ZNF610: variants seen among roughly 807,000 people sequenced by gnomAD.
The protein encoded by ZNF610 is zinc finger protein 610.
In ZNF610, 14 loss-of-function variants were observed where a neutral mutation model predicts 14.1. The ratio of observed to expected loss-of-function variants is 0.99; its 90% CI spans 0.65 to 1.55. The LOEUF (loss-of-function observed/expected upper bound fraction) is 1.55. Among genes scored for constraint, ZNF610 ranks in the 40% most tolerant of loss-of-function variants. The pLI is 0.00. For synonymous variants in ZNF610, 185 were observed against 187.6 expected, an observed-to-expected ratio of 0.99 and a Z score of 0.11; for missense variants, 530 against 558.0, an observed-to-expected ratio of 0.95 and a Z score of 0.51.
At chr19:52,332,380 G>C (rs527595996), upstream of ZNF610, among the ~76,000 whole-genome samples, 2 of 152,274 alleles carry the variant, frequency 1.3e-5, no homozygotes, top group South Asian at 2.1e-4. The surrounding 1 kb of genome is among the most constrained non-coding windows in gnomAD (Gnocchi z 4.1). Context: ...ATTGAAACAG[G>C]CTCATCAAAA....
chr19:52,335,165 C>T (rs1196388978), upstream of ZNF610, among the ~76,000 whole-genome samples: 2 of 151,562 alleles, frequency 1.3e-5, no homozygotes, highest in African/African-American at 4.9e-5. Context: ...ATTAGGCGGG[C>T]GTGGTGGTGG....
intron 5 of ZNF610, among the ~76,000 whole-genome samples, chr19:52,355,650 C>T (rs1326380402): frequency 6.6e-6 from 1 of 152,252 alleles, no homozygotes; most frequent in African/African-American, 2.4e-5. Flanking sequence ...AGTAGATTGT[C>T]ACCTTTCTGT....
intron 5 of ZNF610, among the ~76,000 whole-genome samples, chr19:52,361,082 G>A (rs963693467): frequency 2.6e-5 from 4 of 151,702 alleles, no homozygotes; most frequent in South Asian, 2.1e-4. Context: ...TTTGTTACTC[G>A]TCTTAGTGTT....
intron 5 of ZNF610, among the ~76,000 whole-genome samples, chr19:52,361,747 A>G (rs1600240102): frequency 6.6e-6 from 1 of 152,106 alleles, no homozygotes; most frequent in East Asian, 1.9e-4. Context: ...GGCGTGAAAC[A>G]CTATGCCCAA....
chr19:52,333,116 CAGAGGATACACT>C, upstream of ZNF610, among the ~76,000 whole-genome samples: 1 of 152,150 alleles, frequency 6.6e-6, no homozygotes, highest in East Asian at 1.9e-4. Context: ...GGACAAAGGA[CAGAGGATACACT>C]ACAGCTATCA....
chr19:52,356,563 G>T (rs969513378), intron 5 of ZNF610, among the ~76,000 whole-genome samples: 14 of 152,030 alleles, frequency 9.2e-5, no homozygotes, highest in Admixed American at 7.9e-4. Context: ...TTTGAGTGTG[G>T]TTTTTTTAAA....
chr19:52,363,546 A>G (rs1985886190), intron 5 of ZNF610, among the ~76,000 whole-genome samples: 1 of 152,038 alleles, frequency 6.6e-6, no homozygotes, highest in South Asian at 2.1e-4. Flanking sequence ...AGGGGCTGTG[A>G]TATTTGGTGC....
intron 3 of ZNF610, among the ~76,000 whole-genome samples, chr19:52,349,957 A>G (rs1362968581): frequency 2.0e-5 from 3 of 152,168 alleles, no homozygotes; most frequent in Admixed American, 6.5e-5. Context: ...GATTTTTACT[A>G]CATTTGAAGC....
At chr19:52,349,810 C>T (rs530447924) in intron 3 of ZNF610, among the ~76,000 whole-genome samples, 3 of 152,230 alleles carry the variant, frequency 2.0e-5, no homozygotes, top group South Asian at 4.1e-4. Flanking sequence ...ACCTCGTGAT[C>T]CACCTGCCTC....
chr19:52,344,229 C>T (rs1490083740), intron 1 of ZNF610: 1 of 152,494 alleles, frequency 6.6e-6, no homozygotes, highest in Non-Finnish European at 1.5e-5. Flanking sequence ...TGTTCCTCTG[C>T]CTGGAACTCT....
chr19:52,340,356 C>T (rs1984624925), intron 1 of ZNF610, among the ~76,000 whole-genome samples: 1 of 152,174 alleles, frequency 6.6e-6, no homozygotes, highest in Non-Finnish European at 1.5e-5. Flanking sequence ...GCACTCCAGC[C>T]TGGGCGACAG....
intron 1 of ZNF610, among the ~76,000 whole-genome samples, chr19:52,337,978 C>T (rs2122163484): frequency 6.6e-6 from 1 of 151,974 alleles, no homozygotes; most frequent in South Asian, 2.1e-4. Flanking sequence ...AGTGAACACC[C>T]AACACAGAAT....
At position 52,365,954 on chromosome 19, in the gene ZNF610, A is replaced by C. The variant is rs1361221251; in HGVS notation, c.576A>C (p.Glu192Asp). The change falls in exon 6 of 6, where the codon GAA (glutamate) becomes GAC (aspartate). Residue 192 changes from glutamate to aspartate, a missense_variant. Glu to Asp is a conservative substitution (Grantham distance 45). Coordinates refer to ENST00000403906, the MANE Select transcript of ZNF610 (RefSeq NM_001161425.2). ...TTGATTTCCCATTACTCCCACAAGAAGAGAAAGCATACATTAGAGGAAAAT... is the reference window on the plus strand; with the variant it reads ...TTGATTTCCCATTACTCCCACAAGACGAGAAAGCATACATTAGAGGAAAAT... Reference protein sequence around the residue: ...DLIDFPLLPQEEKAYIRGKSY... With the variant: ...DLIDFPLLPQDEKAYIRGKSY... 6.2e-7 allele frequency: 1 copy of C among 1,613,956 alleles called. No individual in the cohort carries two copies. The highest frequency in any genetic ancestry group is 1.1e-5 in the South Asian group (1 of 90,954).
At chr19:52,360,551 T>C (rs1413808237) in intron 5 of ZNF610, among the ~76,000 whole-genome samples, 1 of 152,232 alleles carries the variant, frequency 6.6e-6, no homozygotes, top group Non-Finnish European at 1.5e-5. Context: ...TGGCTTTTTA[T>C]ATAAGGCTTC....
At chr19:52,333,415 A>G (rs1343111002), upstream of ZNF610, among the ~76,000 whole-genome samples, 1 of 152,154 alleles carries the variant, frequency 6.6e-6, no homozygotes, top group Non-Finnish European at 1.5e-5. Flanking sequence ...AAGAAAGTAC[A>G]ACATGGCTGC....
Position 52,366,747 on chromosome 19 carries a change from C to A in ZNF610, c.1369C>A (p.Arg457Ser), listed in dbSNP as rs756481819. ...RKIHAGENSL[R>S]TLQME ...AATTCATGCTGGAGAGAATTCACTG[C>A]GTACCTTACAGATGGAATGAATGTG... Residue 457 changes from arginine to serine, a missense_variant, in exon 6 of 6, where the codon CGT (arginine) becomes AGT (serine). Transcript: ENST00000403906. The A allele has an allele frequency of 6.2e-7, 1 of 1,612,390 alleles. No homozygotes were observed. Among genetic ancestry groups the A allele is most frequent in the South Asian group, 1.1e-5 (1 of 90,938 alleles).
At chr19:52,362,227 A>G (rs1181584316) in intron 5 of ZNF610, among the ~76,000 whole-genome samples, 5 of 152,250 alleles carry the variant, frequency 3.3e-5, no homozygotes, top group Non-Finnish European at 5.9e-5. Context: ...TCTGACCAAC[A>G]TGGTAAAACC....
intron 1 of ZNF610, among the ~76,000 whole-genome samples, chr19:52,341,709 C>T (rs1434686744): frequency 2.0e-5 from 3 of 152,172 alleles, no homozygotes; most frequent in Non-Finnish European, 4.4e-5. Context: ...TCACTGTAAC[C>T]TCGAACTCCT....
chr19:52,341,853 C>T (rs1390046705), intron 1 of ZNF610, among the ~76,000 whole-genome samples: 1 of 152,062 alleles, frequency 6.6e-6, no homozygotes, highest in Non-Finnish European at 1.5e-5. Flanking sequence ...CCCAGTCTCC[C>T]AGGCTGGAGT....
Sources: gnomAD v4.1 joint callset for allele counts (sites outside exome capture counted in the v4.1 genomes callset) on GRCh38, gnomAD v4.1.1 for gene constraint, Gnocchi (gnomAD v3.1) non-coding constraint, MANE v1.5 for transcripts, NCBI Gene and HGNC (gene_info 2026-07-23, HGNC 2026-07-21) for gene names.